The following CAPN11 variants were observed in gnomAD, a reference collection of about 807,000 sequenced individuals.
CAPN11 encodes the protein calpain 11.
A neutral mutation model predicts 105.3 loss-of-function variants in CAPN11; 108 were observed. That is an observed-to-expected ratio of 1.03 (90% CI 0.88 to 1.20). The LOEUF (loss-of-function observed/expected upper bound fraction) is 1.20, where lower values mean the gene tolerates loss of function less well. CAPN11 is among the 50% of genes most tolerant of loss of function. The pLI, the probability that CAPN11 is intolerant of heterozygous loss-of-function variation, is 0.00. For synonymous variants in CAPN11, 329 were observed against 344.5 expected (o/e 0.96, Z 0.50); for missense variants, 883 against 924.8 (o/e 0.95, Z 0.59).
intron 13 of CAPN11, 131 bp from the exon 14 acceptor site, chr6:44,179,821 T>C (rs1772823007): frequency 1.1e-6 from 1 of 887,786 alleles, no homozygotes; most frequent in Non-Finnish European, 1.9e-6. Flanking sequence ...GCCACTTAGA[T>C]GGTGTCCAGG....
At chr6:44,175,356 T>C (rs1478552381) in intron 7 of CAPN11, among the ~76,000 whole-genome samples, 1 of 152,104 alleles carries the variant, frequency 6.6e-6, no homozygotes, top group Non-Finnish European at 1.5e-5. Context: ...GGCAAGAGCC[T>C]GTAGTCCCAG....
chr6:44,182,302 C>CATACAG (rs1773879276), intron 19 of CAPN11, among the ~76,000 whole-genome samples: 6 of 145,954 alleles, frequency 4.1e-5, no homozygotes, highest in African/African-American at 7.8e-5. Flanking sequence ...CACACACACA[C>CATACAG]ACACACACAC....
At chr6:44,183,645 G>A (rs1033611206) in intron 21 of CAPN11, 60 bp from the exon 22 acceptor site, 35 of 1,539,916 alleles carry the variant, frequency 2.3e-5, no homozygotes, top group Non-Finnish European at 1.4e-5. Context: ...GTTGGGAGTG[G>A]TTCTTTCGGA....
At chr6:44,176,190 A>T (rs1277844682) in intron 8 of CAPN11, 39 bp downstream of exon 8, 1 of 1,365,460 alleles carries the variant, frequency 7.3e-7, no homozygotes. Flanking sequence ...GAGGACCCTG[A>T]GAAGGAGGAG....
chr6:44,183,686 C>T lies in CAPN11; in HGVS notation c.2135-19C>T, dbSNP rs145427560. ...GACTTAGCATTCAGCCCCTCTCCCC[C>T]GCTTCCTCTGTAACGCAGCATTCTT... On this transcript the variant is annotated intron_variant, in intron 21 of 22. Coordinates refer to ENST00000398776, the MANE Select transcript of CAPN11 (RefSeq NM_007058.4). 9.7e-4 allele frequency: 1,560 copies of T among 1,612,980 alleles called. 16 individuals are homozygous for T. In the African/African-American group the frequency reaches 0.016, roughly 17 times the overall value.
intron 2 of CAPN11, among the ~76,000 whole-genome samples, chr6:44,167,831 A>G (rs1056307017): frequency 6.6e-6 from 1 of 151,592 alleles, no homozygotes; most frequent in Admixed American, 6.6e-5. Context: ...TGAGAAGATA[A>G]TTTGAGCCCA....
chr6:44,178,158 C>T (rs1373657149), intron 12 of CAPN11, among the ~76,000 whole-genome samples: 3 of 152,086 alleles, frequency 2.0e-5, no homozygotes, highest in Admixed American at 1.3e-4. Flanking sequence ...GGCATTGTTC[C>T]AAAGGTCTTA....
rs1004943967 is a variant in CAPN11 at position 44,160,633 on chromosome 6, A to G, written c.16+1769A>G. On this transcript the variant is annotated intron_variant, in intron 1 of 22. Coordinates refer to ENST00000398776, the MANE Select transcript of CAPN11 (RefSeq NM_007058.4). ...CTCCGCCTCAAAAAAAACCTCAAAA[A>G]ACAACAACAACAACAACAACAAAAT... Among the ~76,000 whole-genome samples, 8 of 149,548 alleles carry G rather than the reference A, an allele frequency of 5.3e-5. 1 individual carries two copies. In the South Asian group the frequency reaches 6.3e-4, roughly 12 times the overall value.
chr6:44,180,869 C>G, intron 17 of CAPN11, 64 bp downstream of exon 17: 1 of 1,601,606 alleles, frequency 6.2e-7, no homozygotes, highest in South Asian at 1.1e-5. Context: ...CTTGATCACT[C>G]CCAGTGCCCC....
intron 15 of CAPN11, 39 bp from the exon 16 acceptor site, chr6:44,180,557 GT>G: frequency 6.2e-7 from 1 of 1,613,798 alleles, no homozygotes; most frequent in Non-Finnish European, 8.5e-7. Flanking sequence ...TGTGAAAGAA[GT>G]TTTCTGACCA....
Position 44,182,956 on chromosome 6 carries a change from T to C in CAPN11, c.1954T>C (p.Cys652Arg). Residue 652 changes from cysteine to arginine, a missense_variant, in exon 20 of 23, where the codon TGT becomes CGT. By Grantham distance (180) the Cys-to-Arg change is radical (BLOSUM62 -3). Coordinates refer to ENST00000398776, the MANE Select transcript of CAPN11 (RefSeq NM_007058.4). ...GTCTCTTCAGGACATCTTCAGAGAG[T>C]GTGACCAGGACCATTCAGGCACCTT... is the stretch of plus-strand genomic sequence containing the variant. ...LKKWMDIFRE[C>R]DQDHSGTLNS... The C allele has an allele frequency of 6.2e-7, 1 of 1,608,786 alleles. No homozygotes were observed. Among genetic ancestry groups the C allele is most frequent in the Non-Finnish European group, 8.5e-7 (1 of 1,177,126 alleles).
intron 13 of CAPN11, 76 bp downstream of exon 13, chr6:44,179,706 AG>A: frequency 6.7e-7 from 1 of 1,502,816 alleles, no homozygotes; most frequent in Non-Finnish European, 9.3e-7. Context: ...GGATTGGCAA[AG>A]GGTGGAATTT....
Position 44,181,004 on chromosome 6 carries a change from T to G in CAPN11, c.1869+7T>G. Reference sequence around the variant, plus strand: ...CATGATCAACCTCATGGATGTATCCTCCTGTCCAGTGCTCTCTTGGCCCTG... The same window carrying G: ...CATGATCAACCTCATGGATGTATCCGCCTGTCCAGTGCTCTCTTGGCCCTG... On this transcript the variant is annotated splice_region_variant and intron_variant, in intron 18 of 22. Transcript: ENST00000398776. 6.2e-7 allele frequency: 1 copy of G among 1,611,770 alleles called. No homozygotes were observed. The highest frequency in any genetic ancestry group is 8.5e-7 in the Non-Finnish European group (1 of 1,177,980).
chr6:44,170,076 A>G, intron 4 of CAPN11, 101 bp downstream of exon 4: 1 of 852,020 alleles, frequency 1.2e-6, no homozygotes, highest in South Asian at 1.5e-5. Context: ...CCCTGAGGTC[A>G]GACAGCCTGC....
intron 7 of CAPN11, 23 bp from the exon 8 acceptor site, chr6:44,176,045 C>T (rs759075594): frequency 1.3e-6 from 2 of 1,565,526 alleles, no homozygotes; most frequent in Non-Finnish European, 1.8e-6. Context: ...CCTCCATGCT[C>T]TCCCTCCCTC....
In CAPN11 at chr6:44,172,328, G is replaced by A. The variant is rs754636663; in HGVS notation, c.436G>A (p.Gly146Ser). ...LGDCWLLAAI[G>S]SLTTCPKLLY... is the part of the protein sequence containing the mutation. Reference sequence around the variant, plus strand: ...GGACTGCTGGCTGCTGGCTGCCATCGGCTCCCTTACCACCTGCCCCAAACT... The same window carrying A: ...GGACTGCTGGCTGCTGGCTGCCATCAGCTCCCTTACCACCTGCCCCAAACT... The change falls in exon 5 of 23, where the codon GGC becomes AGC. Residue 146 changes from glycine (G) to serine (S), a missense_variant. Coordinates refer to ENST00000398776, the MANE Select transcript of CAPN11 (RefSeq NM_007058.4). 1.6e-5 allele frequency: 25 copies of A among 1,540,910 alleles called. No homozygotes were observed. In the South Asian group the frequency reaches 2.0e-4, roughly 13 times the overall value.
At chr6:44,183,096 C>G in intron 20 of CAPN11, 23 bp from the exon 21 acceptor site, 1 of 1,600,518 alleles carries the variant, frequency 6.2e-7, no homozygotes, top group Non-Finnish European at 8.6e-7. Context: ...TTTCCCCTCC[C>G]CACTTCTCTC....
chr6:44,182,115 CCA>C (rs761219122), intron 19 of CAPN11, among the ~76,000 whole-genome samples: 6 of 9,418 alleles, frequency 6.4e-4, no homozygotes, highest in East Asian at 9.4e-4. Flanking sequence ...CACAACCACA[CCA>C]CACACACACA....
At chr6:44,172,245 G>C (rs1771137270) in intron 4 of CAPN11, 57 bp from the exon 5 acceptor site, 1 of 1,192,880 alleles carries the variant, frequency 8.4e-7, no homozygotes, top group South Asian at 1.4e-5. Flanking sequence ...GGATTCTGAG[G>C]CCCACCCACA....
Sources: gnomAD v4.1 joint callset for allele counts (sites outside exome capture counted in the v4.1 genomes callset) on GRCh38, gnomAD v4.1.1 for gene constraint, MANE v1.5 for transcripts, NCBI Gene and HGNC (gene_info 2026-07-23, HGNC 2026-07-21) for gene names.